Variants in SLCO5A1 observed in about 807,000 individuals in gnomAD.
SLCO5A1 encodes solute carrier organic anion transporter family member 5A1.
Under a neutral mutation model 65.1 loss-of-function variants are expected in SLCO5A1, and 39 were observed. The ratio of observed to expected loss-of-function variants is 0.60; its 90% CI spans 0.46 to 0.78. SLCO5A1 has a LOEUF of 0.78. Among genes scored for constraint, SLCO5A1 ranks in the 30% least tolerant of loss-of-function variants. SLCO5A1 has a pLI of 0.00. For synonymous variants in SLCO5A1, 438 were observed against 415.7 expected (o/e 1.05, Z -0.65); for missense variants, 1,029 against 1,069.4 (o/e 0.96, Z 0.53).
At chr8:69,791,344 A>C (rs1464077000) in intron 2 of SLCO5A1, among the ~76,000 whole-genome samples, 1 of 152,240 alleles carries the variant, frequency 6.6e-6, no homozygotes. Flanking sequence ...AACCTCTGCA[A>C]AACCAGAATG....
intron 5 of SLCO5A1, among the ~76,000 whole-genome samples, chr8:69,729,446 CAAAAAAAAAAAAAAA>C (rs56392223): frequency 6.2e-5 from 5 of 80,486 alleles, no homozygotes; most frequent in African/African-American, 2.5e-4. Flanking sequence ...TCCGTCCCAA[CAAAAAAAAAAAAAAA>C]AAAAAAAAAA....
intron 2 of SLCO5A1, among the ~76,000 whole-genome samples, chr8:69,815,915 C>A (rs1287635326): frequency 6.6e-6 from 1 of 152,150 alleles, no homozygotes; most frequent in Non-Finnish European, 1.5e-5. Flanking sequence ...ACTACAGTAT[C>A]TACTGAGCAA....
At chr8:69,817,662 A>G (rs1231471322) in intron 2 of SLCO5A1, among the ~76,000 whole-genome samples, 2 of 152,230 alleles carry the variant, frequency 1.3e-5, no homozygotes, top group South Asian at 4.1e-4. Flanking sequence ...GATGATCTCT[A>G]GGAAACATCT....
intron 2 of SLCO5A1, among the ~76,000 whole-genome samples, chr8:69,804,851 C>A (rs1373997798): frequency 7.2e-5 from 11 of 152,088 alleles, no homozygotes; most frequent in African/African-American, 2.4e-4. Context: ...ATGTCAGAGT[C>A]CTATTCGTGA....
At chr8:69,763,802 G>A (rs902032589) in intron 2 of SLCO5A1, among the ~76,000 whole-genome samples, 1 of 151,498 alleles carries the variant, frequency 6.6e-6, no homozygotes. Context: ...GAGAATCATA[G>A]AAAAATCTAG....
intron 2 of SLCO5A1, among the ~76,000 whole-genome samples, chr8:69,781,915 G>T (rs192851421): frequency 6.6e-6 from 1 of 152,202 alleles, no homozygotes; most frequent in South Asian, 2.1e-4. Flanking sequence ...CCTCAGCCTT[G>T]CATAGTGCTG....
rs140704788 is a variant in SLCO5A1 at position 69,802,351 on chromosome 8, A to G, written c.907+29416T>C. On this transcript the variant is annotated intron_variant, in intron 2 of 9. Transcript: ENST00000260126. ...GACCTCATCTCTACAAAAATAATGAACCGAATTAGCCAGGCGTGGTGGCGC... is the reference window on the plus strand; with the variant it reads ...GACCTCATCTCTACAAAAATAATGAGCCGAATTAGCCAGGCGTGGTGGCGC... 2.0e-5 allele frequency among the ~76,000 whole-genome samples: 3 copies of G among 151,400 alleles called. No individual in the cohort carries two copies. The East Asian group carries it at 5.9e-4, about 30-fold the overall frequency.
intron 5 of SLCO5A1, among the ~76,000 whole-genome samples, chr8:69,727,339 T>C (rs1816128014): frequency 6.6e-6 from 1 of 152,196 alleles, no homozygotes; most frequent in Non-Finnish European, 1.5e-5. Flanking sequence ...TTGTATGCTA[T>C]ATGTCTTACC....
At position 69,736,847 on chromosome 8, in the gene SLCO5A1, T is replaced by G. The variant is rs1023161270; in HGVS notation, c.1423+1193A>C. Among the ~76,000 whole-genome samples the G allele has an allele frequency of 2.6e-5, 4 of 152,344 alleles. No homozygotes were observed. In the East Asian group the frequency reaches 7.7e-4, roughly 29 times the overall value. ...ATTAACAGCTGTGTGGCTTTGAATC[T>G]AACTTCAAGACAACTTTTGTTTTCC... On this transcript the variant is annotated intron_variant, in intron 5 of 9. Transcript: ENST00000260126.
intron 2 of SLCO5A1, among the ~76,000 whole-genome samples, chr8:69,826,067 G>A (rs1317826241): frequency 6.6e-6 from 1 of 152,218 alleles, no homozygotes; most frequent in Non-Finnish European, 1.5e-5. Flanking sequence ...TGGGAAAACT[G>A]GCTAGCCATA....
intron 2 of SLCO5A1, among the ~76,000 whole-genome samples, chr8:69,769,180 C>T (rs1818207560): frequency 6.6e-6 from 1 of 152,194 alleles, no homozygotes; most frequent in African/African-American, 2.4e-5. Flanking sequence ...ACTGAGGACT[C>T]GCCTGACCCA....
chr8:69,828,657 A>G (rs1254863112), intron 2 of SLCO5A1, among the ~76,000 whole-genome samples: 1 of 152,092 alleles, frequency 6.6e-6, no homozygotes, highest in African/African-American at 2.4e-5. Context: ...TACCATTTCT[A>G]TTCTTTTCCT....
At chr8:69,694,976 G>A (rs111251758) in intron 6 of SLCO5A1, among the ~76,000 whole-genome samples, 4,536 of 152,228 alleles carry the variant, frequency 0.03, 236 homozygotes, top group African/African-American at 0.1. Flanking sequence ...CTCACTATAT[G>A]AGTAACATCC....
chr8:69,826,688 A>T (rs559461166), intron 2 of SLCO5A1, among the ~76,000 whole-genome samples: 2 of 152,206 alleles, frequency 1.3e-5, no homozygotes, highest in African/African-American at 4.8e-5. Context: ...TGGTGGGACT[A>T]GTTCAACCAA....
intron 5 of SLCO5A1, among the ~76,000 whole-genome samples, chr8:69,720,705 ATTTG>A (rs899339102): frequency 1.3e-5 from 2 of 152,206 alleles, no homozygotes; most frequent in Non-Finnish European, 2.9e-5. Context: ...TGGGCTTTTT[ATTTG>A]TTTGTGTGTT....
chr8:69,790,102 A>C (rs977521314), intron 2 of SLCO5A1, among the ~76,000 whole-genome samples: 1 of 151,706 alleles, frequency 6.6e-6, no homozygotes, highest in Non-Finnish European at 1.5e-5. Flanking sequence ...CTGAGGCAGA[A>C]GAATCACTTG....
intron 2 of SLCO5A1, among the ~76,000 whole-genome samples, chr8:69,820,173 A>G (rs1820575204): frequency 6.6e-6 from 1 of 152,196 alleles, no homozygotes; most frequent in Admixed American, 6.5e-5. Context: ...CCGTTTGGCC[A>G]ATAGGACATC....
At chr8:69,761,984 A>G (rs1817798907) in intron 2 of SLCO5A1, 109 bp from the exon 3 acceptor site, 1 of 1,362,210 alleles carries the variant, frequency 7.3e-7, no homozygotes, top group African/African-American at 1.5e-5. Context: ...AATCCAGTTA[A>G]CTTCCAAAAA....
At chr8:69,794,447 G>T in intron 2 of SLCO5A1, 1 of 443,658 alleles carries the variant, frequency 2.3e-6, no homozygotes, top group South Asian at 1.9e-5. Flanking sequence ...CTTTATAAGT[G>T]ATGAAAAGTG....
Sources: gnomAD v4.1 joint callset for allele counts (sites outside exome capture counted in the v4.1 genomes callset) on GRCh38, gnomAD v4.1.1 for gene constraint, MANE v1.5 for transcripts, NCBI Gene and HGNC (gene_info 2026-07-23, HGNC 2026-07-21) for gene names.